CCDC148: variants seen among roughly 807,000 people sequenced by gnomAD.
The protein encoded by CCDC148 is coiled-coil domain-containing protein 148.
A neutral mutation model predicts 85.7 loss-of-function variants in CCDC148; 89 were observed. The observed-to-expected ratio is 1.04, with a 90% CI of 0.87 to 1.24. The LOEUF is 1.24. Among genes scored for constraint, CCDC148 ranks in the 50% most tolerant of loss-of-function variants. The pLI is 0.00. For synonymous variants in CCDC148, 230 were observed against 213.9 expected (o/e 1.08, Z -0.66); for missense variants, 692 against 671.7 (o/e 1.03, Z -0.33).
chr2:158,429,027 A>G (rs930508019), intron 1 of CCDC148, among the ~76,000 whole-genome samples: 5 of 152,018 alleles, frequency 3.3e-5, no homozygotes, highest in Non-Finnish European at 7.4e-5. Context: ...TCAGCAAACT[A>G]TCACAAGGAC....
At chr2:158,278,899 C>A (rs1690109409) in intron 9 of CCDC148, among the ~76,000 whole-genome samples, 1 of 152,230 alleles carries the variant, frequency 6.6e-6, no homozygotes, top group Non-Finnish European at 1.5e-5. Context: ...AGACTGACAC[C>A]TCACACAGCC....
At chr2:158,176,823 C>T in intron 12 of CCDC148, 162 bp from the exon 13 acceptor site, 1 of 677,368 alleles carries the variant, frequency 1.5e-6, no homozygotes, top group Non-Finnish European at 2.4e-6. Flanking sequence ...CCTAGAGATC[C>T]ACAAAGGAGT....
intron 7 of CCDC148, among the ~76,000 whole-genome samples, chr2:158,328,081 T>A (rs888401217): frequency 2.0e-5 from 3 of 152,084 alleles, no homozygotes; most frequent in Non-Finnish European, 4.4e-5. Flanking sequence ...TAGTCATGTA[T>A]GTATACATGT....
chr2:158,218,517 A>G (rs1687007418), intron 11 of CCDC148, among the ~76,000 whole-genome samples: 2 of 152,206 alleles, frequency 1.3e-5, no homozygotes, highest in South Asian at 4.1e-4. Flanking sequence ...ACAGGAAGCA[A>G]AAGACTGAAA....
Position 158,171,867 on chromosome 2 carries a change from A to G in CCDC148, c.*246T>C, listed in dbSNP as rs1046721002. On this transcript the variant is annotated 3_prime_UTR_variant, in exon 14 of 14. Transcript: ENST00000283233. ...TAGTTTACTAAATTATAGTATAAGT[A>G]CTATATGTGCCATAATTAAGTTCCA... 3.2e-6 allele frequency: 1 copy of G among 313,978 alleles called. No individual in the cohort carries two copies. Among genetic ancestry groups the G allele is most frequent in the African/African-American group, 2.2e-5 (1 of 45,448 alleles). The allele number at this position is 313,978 out of a possible 1,614,324, so 19.4% of individuals were successfully genotyped here. A position where few individuals can be genotyped will look rare whatever the true frequency, so the allele number is the denominator to read the frequency against.
intron 1 of CCDC148, among the ~76,000 whole-genome samples, chr2:158,430,882 T>TA (rs142951489): frequency 0.047 from 7,068 of 151,402 alleles, 245 homozygotes; most frequent in Middle Eastern, 0.063. Flanking sequence ...ATAAACATAA[T>TA]AAAAAATGAA....
intron 1 of CCDC148, among the ~76,000 whole-genome samples, chr2:158,429,871 G>A (rs920376204): frequency 6.6e-6 from 1 of 152,128 alleles, no homozygotes; most frequent in Non-Finnish European, 1.5e-5. Context: ...TCTGACTGGA[G>A]GTATACTTCA....
intron 1 of CCDC148, among the ~76,000 whole-genome samples, chr2:158,444,778 CT>C (rs1688087729): frequency 9.6e-6 from 1 of 104,026 alleles, no homozygotes; most frequent in South Asian, 4.6e-4. Flanking sequence ...GAGCGAGACC[CT>C]GTCTTGAAAA....
chr2:158,200,866 A>C (rs1190992931), intron 11 of CCDC148, among the ~76,000 whole-genome samples: 1 of 152,198 alleles, frequency 6.6e-6, no homozygotes, highest in Non-Finnish European at 1.5e-5. Flanking sequence ...TCCATTGATG[A>C]TCTAGAATTA....
intron 2 of CCDC148, among the ~76,000 whole-genome samples, chr2:158,356,937 T>C (rs1335331568): frequency 6.8e-6 from 1 of 146,752 alleles, no homozygotes; most frequent in African/African-American, 2.6e-5. Context: ...TGTAGGGACA[T>C]GGATGAAATT....
chr2:158,417,292 G>A (rs1686544211), intron 1 of CCDC148, among the ~76,000 whole-genome samples: 3 of 152,138 alleles, frequency 2.0e-5, no homozygotes, highest in Admixed American at 2.0e-4. Context: ...TCCCTCAAAG[G>A]AGTGCAAATA....
intron 11 of CCDC148, among the ~76,000 whole-genome samples, chr2:158,195,296 T>C (rs956893091): frequency 2.6e-5 from 4 of 152,124 alleles, no homozygotes; most frequent in Non-Finnish European, 5.9e-5. Context: ...TATTGTCTTA[T>C]GATGTGCCTC....
intron 1 of CCDC148, among the ~76,000 whole-genome samples, chr2:158,438,424 G>A (rs1559145814): frequency 6.6e-6 from 1 of 152,200 alleles, no homozygotes; most frequent in Non-Finnish European, 1.5e-5. Flanking sequence ...CTAGCCATAT[G>A]TAGAAAGCTG....
intron 1 of CCDC148, among the ~76,000 whole-genome samples, chr2:158,374,672 T>C (rs1684584422): frequency 7.5e-6 from 1 of 133,462 alleles, no homozygotes; most frequent in Non-Finnish European, 1.6e-5. Context: ...TATGAGTGTA[T>C]ATATATACAT....
chr2:158,267,287 C>T (rs1248871935), intron 9 of CCDC148, among the ~76,000 whole-genome samples: 1 of 152,080 alleles, frequency 6.6e-6, no homozygotes, highest in Non-Finnish European at 1.5e-5. Context: ...ACCTACACAC[C>T]TCTTGTTTTA....
At chr2:158,406,679 G>A (rs1280799555) in intron 1 of CCDC148, among the ~76,000 whole-genome samples, 2 of 122,038 alleles carry the variant, frequency 1.6e-5, no homozygotes, top group Non-Finnish European at 3.2e-5. Flanking sequence ...CTGGAGTACA[G>A]TGGCATGATC....
intron 1 of CCDC148, among the ~76,000 whole-genome samples, chr2:158,450,549 C>T (rs1327081923): frequency 6.6e-6 from 1 of 152,194 alleles, no homozygotes; most frequent in Non-Finnish European, 1.5e-5. Context: ...TAAGTGTCAC[C>T]TTCATTTTGA....
At chr2:158,293,855 A>G (rs1691009291) in intron 9 of CCDC148, among the ~76,000 whole-genome samples, 1 of 151,862 alleles carries the variant, frequency 6.6e-6, no homozygotes, top group Non-Finnish European at 1.5e-5. Flanking sequence ...AATAGACTGC[A>G]TTGCTCAGCT....
chr2:158,436,674 T>C (rs1433578338), intron 1 of CCDC148, among the ~76,000 whole-genome samples: 1 of 151,002 alleles, frequency 6.6e-6, no homozygotes, highest in Non-Finnish European at 1.5e-5. Context: ...TTCAAAAAAA[T>C]CAATGAATCC....
Sources: allele counts gnomAD v4.1 joint callset (sites outside exome capture counted in the v4.1 genomes callset), GRCh38; gene constraint gnomAD v4.1.1; transcripts MANE v1.5; gene names NCBI Gene and HGNC (gene_info 2026-07-23, HGNC 2026-07-21).